ZNF823: variants seen among roughly 807,000 people sequenced by gnomAD.
The protein encoded by ZNF823 is ZFP 36 for a zinc finger protein.
A neutral mutation model predicts 11.4 loss-of-function variants in ZNF823; 5 were observed. That is an observed-to-expected ratio of 0.44 (90% confidence interval 0.23 to 0.92). ZNF823 has a LOEUF of 0.92. Ranked by LOEUF, ZNF823 falls within the 40% of genes least tolerant of loss-of-function variation. The pLI is 0.24. For missense variants in ZNF823, 582 were observed against 738.5 expected (o/e 0.79, Z 2.46); for synonymous variants, 234 against 250.5 (o/e 0.93, Z 0.62).
intron 1 of ZNF823, among the ~76,000 whole-genome samples, chr19:11,726,287 C>T (rs12461115): frequency 5.3e-5 from 6 of 112,242 alleles, no homozygotes; most frequent in Admixed American, 1.0e-4. Context: ...ATAAAAAATA[C>T]ATATATATAT....
intron 1 of ZNF823, among the ~76,000 whole-genome samples, chr19:11,732,169 C>CTTTTTTTTTTTTTTTTT (rs1170787951): frequency 7.4e-6 from 1 of 135,578 alleles, no homozygotes; most frequent in Non-Finnish European, 1.6e-5. Flanking sequence ...AAAGGTTTCC[C>CTTTTTTTTTTTTTTTTT]TTTTTTTTTT....
chr19:11,734,240 C>CA (rs112255145), intron 1 of ZNF823, among the ~76,000 whole-genome samples: 14,804 of 118,856 alleles, frequency 0.12, 1,228 homozygotes, highest in African/African-American at 0.27. Context: ...GACTCTGTCT[C>CA]AAAAAAAAAA....
Position 11,721,485 on chromosome 19 carries a change from A to G in ZNF823, c.*216T>C, listed in dbSNP as rs1974676192. ...ATACTGGAAGATATGCATAGGTTAC[A>G]TGCAAATATGCCATATAACAAAGGA... is the stretch of plus-strand genomic sequence containing the variant. On this transcript the variant is annotated 3_prime_UTR_variant, in exon 4 of 4. Transcript: ENST00000341191. 5 of 526,774 alleles carry G rather than the reference A, an allele frequency of 9.5e-6. No individual in the cohort carries two copies. The highest frequency in any genetic ancestry group is 1.7e-5 in the Non-Finnish European group (5 of 299,334). 32.6% of individuals were successfully genotyped at this position (526,774 alleles called of 1,614,324 possible). A position where few individuals can be genotyped will look rare whatever the true frequency, so the allele number is the denominator to read the frequency against.
At chr19:11,730,723 A>T (rs995032979) in intron 1 of ZNF823, 4 of 152,196 alleles carry the variant, frequency 2.6e-5, no homozygotes, top group Non-Finnish European at 5.9e-5. Context: ...AGGAATAAAC[A>T]CACATGCACA....
At chr19:11,724,139 T>C in intron 3 of ZNF823, 55 bp downstream of exon 3, 3 of 1,415,922 alleles carry the variant, frequency 2.1e-6, no homozygotes, top group Non-Finnish European at 2.9e-6. Context: ...AAAATTTTCT[T>C]ATCATTCTAT....
chr19:11,721,682 T>A lies in ZNF823; in HGVS notation c.*19A>T. 6.4e-7 allele frequency: 1 copy of A among 1,571,848 alleles called. No individual in the cohort carries two copies. Among genetic ancestry groups the A allele is most frequent in the Non-Finnish European group, 8.6e-7 (1 of 1,159,700 alleles). ...TTTCTGAAATTAAAGTACTGAATGTTTTCCCACATTCCATACATTTAGAGA... is the reference window on the plus strand; with the variant it reads ...TTTCTGAAATTAAAGTACTGAATGTATTCCCACATTCCATACATTTAGAGA... On this transcript the variant is annotated 3_prime_UTR_variant, in exon 4 of 4. Coordinates refer to ENST00000341191, the MANE Select transcript of ZNF823 (RefSeq NM_001080493.4).
chr19:11,727,818 A>G (rs1431505184), intron 1 of ZNF823, among the ~76,000 whole-genome samples: 1 of 152,102 alleles, frequency 6.6e-6, no homozygotes, highest in Non-Finnish European at 1.5e-5. Flanking sequence ...TTACTTGCAA[A>G]TTATTGCCTT....
At chr19:11,731,243 C>T (rs968075468) in intron 1 of ZNF823, among the ~76,000 whole-genome samples, 1 of 151,892 alleles carries the variant, frequency 6.6e-6, no homozygotes, top group Non-Finnish European at 1.5e-5. Flanking sequence ...ACCCGGGAGG[C>T]AGAGGTTGCG....
chr19:11,729,981 T>C (rs1394733240), intron 1 of ZNF823, among the ~76,000 whole-genome samples: 1 of 150,100 alleles, frequency 6.7e-6, no homozygotes. Flanking sequence ...CAGGCTGGAG[T>C]GCAATGGCAT....
Position 11,722,835 on chromosome 19 carries a change from A to C in ZNF823, c.699T>G (p.Ser233Arg). 6.2e-7 allele frequency: 1 copy of C among 1,613,936 alleles called. No homozygotes were observed. Among genetic ancestry groups the C allele is most frequent in the Non-Finnish European group, 8.5e-7 (1 of 1,179,966 alleles). ...GGATTCTTTCATGTCTTAGATAGGA[A>C]CTGTAAAAAGGAAAGGCTTTAGAAC... ...KQCSKAFPFY[S>R]SYLRHERIHT... Residue 233 changes from serine to arginine, a missense_variant, in exon 4 of 4, where the codon AGT becomes AGG. Coordinates refer to ENST00000341191, the MANE Select transcript of ZNF823 (RefSeq NM_001080493.4). This position sits in a 1 kb window ranked among gnomAD's most constrained non-coding sequence, Gnocchi z 5.2.
chr19:11,732,355 CG>C (rs1247977931), intron 1 of ZNF823, among the ~76,000 whole-genome samples: 1 of 151,954 alleles, frequency 6.6e-6, no homozygotes, highest in Non-Finnish European at 1.5e-5. Context: ...TTAGTAGAAA[CG>C]GGGTTTCACC....
intron 1 of ZNF823, among the ~76,000 whole-genome samples, chr19:11,735,281 C>CAAAAAAAAA (rs60923876): frequency 6.0e-5 from 6 of 99,308 alleles, no homozygotes; most frequent in Admixed American, 1.1e-4. Context: ...TTTCAAAAAA[C>CAAAAAAAAA]AAAAAAAAAA....
At chr19:11,731,750 C>T (rs1033486400) in intron 1 of ZNF823, among the ~76,000 whole-genome samples, 4 of 152,168 alleles carry the variant, frequency 2.6e-5, no homozygotes, top group African/African-American at 9.7e-5. Context: ...TGGCTCACGC[C>T]TGTAATCCCA....
chr19:11,728,961 C>T (rs1245219864), intron 1 of ZNF823, among the ~76,000 whole-genome samples: 1 of 151,984 alleles, frequency 6.6e-6, no homozygotes, highest in East Asian at 1.9e-4. Flanking sequence ...TTGCTTGAGG[C>T]CAGGAGTTTG....
At chr19:11,733,377 AAAAAAG>A (rs1005760707) in intron 1 of ZNF823, among the ~76,000 whole-genome samples, 1 of 151,082 alleles carries the variant, frequency 6.6e-6, no homozygotes, top group African/African-American at 2.4e-5. Context: ...AAAAAAAAAA[AAAAAAG>A]AAAAAGAAAA....
Position 11,723,001 on chromosome 19 carries a change from T to C in ZNF823, c.533A>G (p.Asn178Ser), listed in dbSNP as rs1974720880. The C allele has an allele frequency of 6.2e-7, 1 of 1,613,930 alleles. No individual in the cohort carries two copies. Among genetic ancestry groups the C allele is most frequent in the African/African-American group, 1.3e-5 (1 of 74,854 alleles). The change falls in exon 4 of 4, where the codon AAC (asparagine) becomes AGC (serine). Residue 178 changes from asparagine (N) to serine (S), a missense_variant. Asn to Ser is a conservative substitution (Grantham distance 46). Coordinates refer to ENST00000341191, the MANE Select transcript of ZNF823 (RefSeq NM_001080493.4). ...GTGTGCCGCCATGTGTCTTCGGAGG[T>C]TTCCAAGAGAACTAAAGGTTTTTGC... ...ECAKTFSSLG[N>S]LRRHMAAHHG...
chr19:11,726,489 T>C (rs899815947), intron 1 of ZNF823, among the ~76,000 whole-genome samples: 23 of 138,282 alleles, frequency 1.7e-4, no homozygotes, highest in Admixed American at 8.4e-4. Context: ...TAAGACTTGA[T>C]TGGATCTTGA....
chr19:11,727,711 A>C (rs1347783643), intron 1 of ZNF823, among the ~76,000 whole-genome samples: 1 of 152,154 alleles, frequency 6.6e-6, no homozygotes, highest in Non-Finnish European at 1.5e-5. Context: ...TGGAGTTTTT[A>C]TTTGCCCTTG....
intron 1 of ZNF823, among the ~76,000 whole-genome samples, chr19:11,726,283 A>AATACATATACATATAT (rs751563771): frequency 8.7e-6 from 1 of 114,470 alleles, no homozygotes; most frequent in Non-Finnish European, 1.8e-5. Flanking sequence ...AAAAATAAAA[A>AATACATATACATATAT]ATACATATAT....
Sources: allele counts gnomAD v4.1 joint callset (sites outside exome capture counted in the v4.1 genomes callset), GRCh38; gene constraint gnomAD v4.1.1; non-coding constraint Gnocchi (gnomAD v3.1); transcripts MANE v1.5; gene names NCBI Gene and HGNC (gene_info 2026-07-23, HGNC 2026-07-21).